RNF150: variants seen among roughly 807,000 people sequenced by gnomAD.
The protein encoded by RNF150 is ring finger protein 150.
Under a neutral mutation model 39.3 loss-of-function variants are expected in RNF150, and 24 were observed. That is an observed-to-expected ratio of 0.61 (90% CI 0.44 to 0.86). The LOEUF (loss-of-function observed/expected upper bound fraction) is 0.86, where lower values mean the gene tolerates loss of function less well. Among genes scored for constraint, RNF150 ranks in the 40% least tolerant of loss-of-function variants. The pLI is 0.00. For synonymous variants in RNF150, 255 were observed against 227.3 expected (o/e 1.12, Z -1.10); for missense variants, 502 against 587.8 (o/e 0.85, Z 1.51).
At chr4:141,204,166 G>GA (rs1460829755) in intron 1 of RNF150, among the ~76,000 whole-genome samples, 1 of 152,168 alleles carries the variant, frequency 6.6e-6, no homozygotes, top group African/African-American at 2.4e-5. Context: ...CAGTTTTGAA[G>GA]AATCAGTCTT....
chr4:140,981,443 G>C (rs915939624), intron 1 of RNF150, among the ~76,000 whole-genome samples: 6 of 152,150 alleles, frequency 3.9e-5, no homozygotes, highest in Non-Finnish European at 7.4e-5. Context: ...AAGCAAAGGT[G>C]TCACTATCTA....
chr4:141,058,159 T>C (rs1288034812), intron 1 of RNF150, among the ~76,000 whole-genome samples: 1 of 152,170 alleles, frequency 6.6e-6, no homozygotes, highest in East Asian at 1.9e-4. Flanking sequence ...TTTCCTCATA[T>C]ATTGGAATTG....
chr4:141,146,631 A>G (rs1273109844), intron 1 of RNF150, among the ~76,000 whole-genome samples: 1 of 152,172 alleles, frequency 6.6e-6, no homozygotes, highest in African/African-American at 2.4e-5. Context: ...TAAAAAAAAG[A>G]AAGTTAAGGT....
At chr4:140,890,075 C>G (rs1026408761) in intron 6 of RNF150, among the ~76,000 whole-genome samples, 5 of 152,148 alleles carry the variant, frequency 3.3e-5, no homozygotes, top group Admixed American at 1.3e-4. Flanking sequence ...ACACAGCAAC[C>G]ACCACTCTGA....
At chr4:140,926,522 C>T (rs980802510) in intron 4 of RNF150, among the ~76,000 whole-genome samples, 5 of 152,140 alleles carry the variant, frequency 3.3e-5, no homozygotes, top group African/African-American at 1.2e-4. Flanking sequence ...GGATCTAACA[C>T]AAAAGGGCAA....
intron 1 of RNF150, among the ~76,000 whole-genome samples, chr4:141,003,986 A>G (rs1365252609): frequency 1.3e-5 from 2 of 152,196 alleles, no homozygotes; most frequent in Non-Finnish European, 2.9e-5. Context: ...GATTGGGGTT[A>G]GGAAGTTGTA....
upstream of RNF150, among the ~76,000 whole-genome samples, chr4:141,136,471 A>G (rs373478068): frequency 6.6e-6 from 1 of 152,360 alleles, no homozygotes; most frequent in African/African-American, 2.4e-5. Context: ...AGGGGACATT[A>G]ATATGTTTCC....
intron 5 of RNF150, among the ~76,000 whole-genome samples, chr4:140,916,138 C>A (rs1257079793): frequency 6.6e-6 from 1 of 152,136 alleles, no homozygotes; most frequent in African/African-American, 2.4e-5. Flanking sequence ...ATCAGAGCAC[C>A]TCTCCTCCTC....
chr4:141,171,177 T>A (rs1228301192), intron 1 of RNF150, among the ~76,000 whole-genome samples: 1 of 152,134 alleles, frequency 6.6e-6, no homozygotes, highest in Non-Finnish European at 1.5e-5. Flanking sequence ...GAAGGAGGCT[T>A]AGAAAATAAA....
chr4:141,073,339 T>A (rs1361697308), intron 1 of RNF150, among the ~76,000 whole-genome samples: 2 of 152,162 alleles, frequency 1.3e-5, no homozygotes, highest in African/African-American at 4.8e-5. Context: ...TCCTAACCCA[T>A]GTTTCCAATC....
In RNF150 at chr4:140,864,213, T is replaced by C. The variant is rs1260047461; in HGVS notation, c.*4048A>G. The C allele has an allele frequency of 2.0e-5, 3 of 152,246 alleles. No homozygotes were observed. The highest frequency in any genetic ancestry group is 4.4e-5 in the Non-Finnish European group (3 of 68,062). 9.4% of individuals were successfully genotyped at this position (152,246 alleles called of 1,614,324 possible). A position where few individuals can be genotyped will look rare whatever the true frequency, so the allele number is the denominator to read the frequency against. ...TGATGTCAAAAATGGGTAGGTACCT[T>C]TGCCGCTTTTAATTTTCTGCCTTCT... is the stretch of plus-strand genomic sequence containing the variant. On this transcript the variant is annotated 3_prime_UTR_variant, in exon 7 of 7. Transcript: ENST00000515673.
rs1220821164 is a variant in RNF150 at position 141,119,680 on chromosome 4, T to C, written c.484+12645A>G. On this transcript the variant is annotated intron_variant, in intron 1 of 6. Coordinates refer to ENST00000515673, the MANE Select transcript of RNF150 (RefSeq NM_020724.2). ...GTGATAATAGAAGATCTCAGAAAAATAACAACTGGCTTCCTGCTCCAGACC... is the reference window on the plus strand; with the variant it reads ...GTGATAATAGAAGATCTCAGAAAAACAACAACTGGCTTCCTGCTCCAGACC... 2.6e-5 allele frequency among the ~76,000 whole-genome samples: 4 copies of C among 152,172 alleles called. No homozygotes were observed. The East Asian group carries it at 7.7e-4, about 29-fold the overall frequency.
chr4:141,164,234 AC>A (rs1179853221), intron 1 of RNF150, among the ~76,000 whole-genome samples: 8 of 152,008 alleles, frequency 5.3e-5, no homozygotes, highest in Middle Eastern at 3.4e-3. Flanking sequence ...TGAAAAAAAA[AC>A]ATGAAGACAA....
intron 1 of RNF150, among the ~76,000 whole-genome samples, chr4:141,058,377 C>A (rs1260985034): frequency 6.6e-6 from 1 of 152,044 alleles, no homozygotes; most frequent in Non-Finnish European, 1.5e-5. Flanking sequence ...ATCTTCCTAT[C>A]CAGGGACTGA....
intron 1 of RNF150, among the ~76,000 whole-genome samples, chr4:141,095,515 C>T (rs532767339): frequency 5.9e-5 from 9 of 152,042 alleles, no homozygotes; most frequent in South Asian, 2.1e-4. Flanking sequence ...ATCCTACATG[C>T]GTCAAAATGA....
At chr4:140,921,080 A>C (rs1731109497) in intron 5 of RNF150, among the ~76,000 whole-genome samples, 2 of 150,692 alleles carry the variant, frequency 1.3e-5, no homozygotes, top group Admixed American at 1.3e-4. Context: ...ACCTAACGCT[A>C]AATGACGAGT....
At chr4:140,929,512 A>G (rs893753298) in intron 4 of RNF150, among the ~76,000 whole-genome samples, 24 of 151,340 alleles carry the variant, frequency 1.6e-4, no homozygotes, top group African/African-American at 5.6e-4. Context: ...GACTACAGGC[A>G]CCCACCACCA....
At chr4:141,041,798 C>T (rs757396285) in intron 1 of RNF150, among the ~76,000 whole-genome samples, 8 of 151,774 alleles carry the variant, frequency 5.3e-5, no homozygotes, top group African/African-American at 1.9e-4. Context: ...TGTAAATGAA[C>T]GGTAAAAGTA....
At chr4:141,152,634 TA>T (rs1293244281) in intron 1 of RNF150, among the ~76,000 whole-genome samples, 1 of 152,194 alleles carries the variant, frequency 6.6e-6, no homozygotes, top group African/African-American at 2.4e-5. Context: ...CCCTTATATT[TA>T]CTTTATCACC....
Sources: gnomAD v4.1 joint callset for allele counts (sites outside exome capture counted in the v4.1 genomes callset) on GRCh38, gnomAD v4.1.1 for gene constraint, MANE v1.5 for transcripts, NCBI Gene and HGNC (gene_info 2026-07-23, HGNC 2026-07-21) for gene names.